Variants in PCDH7 observed in about 807,000 individuals in gnomAD.
PCDH7 encodes protocadherin-7.
PCDH7 carries 17 observed loss-of-function variants against 58.9 expected under a neutral mutation model. The ratio of observed to expected loss-of-function variants is 0.29; its 90% CI spans 0.20 to 0.43. The LOEUF is 0.43. PCDH7 is among the 20% of genes least tolerant of loss of function. PCDH7 has a pLI of 1.00. For missense variants in PCDH7, 1,274 were observed against 1,441.0 expected (o/e 0.88, Z 1.88); for synonymous variants, 664 against 616.4 (o/e 1.08, Z -1.14).
intron 3 of PCDH7, among the ~76,000 whole-genome samples, chr4:31,091,725 G>A (rs145991511): frequency 2.4e-4 from 37 of 151,968 alleles, no homozygotes; most frequent in Admixed American, 1.9e-3. Flanking sequence ...CTGAACCAAA[G>A]CATAATATGT....
At chr4:31,051,365 T>A (rs971031885) in intron 3 of PCDH7, among the ~76,000 whole-genome samples, 1 of 152,092 alleles carries the variant, frequency 6.6e-6, no homozygotes, top group African/African-American at 2.4e-5. Flanking sequence ...TTAACCAGTG[T>A]TTGATGAACT....
intron 1 of PCDH7, among the ~76,000 whole-genome samples, chr4:30,848,345 G>T (rs1732258604): frequency 2.0e-5 from 3 of 152,020 alleles, no homozygotes; most frequent in African/African-American, 7.2e-5. Context: ...GAGGTAATAT[G>T]TCATCAGGTG....
At chr4:30,904,768 T>C (rs1410673094) in intron 1 of PCDH7, among the ~76,000 whole-genome samples, 1 of 152,144 alleles carries the variant, frequency 6.6e-6, no homozygotes, top group Non-Finnish European at 1.5e-5. Flanking sequence ...TTAAAACAAA[T>C]GAGTGATGGG....
chr4:31,107,588 A>G (rs1417698845), intron 3 of PCDH7, among the ~76,000 whole-genome samples: 3 of 152,208 alleles, frequency 2.0e-5, no homozygotes, highest in Non-Finnish European at 4.4e-5. Context: ...CCTCTGAGTC[A>G]GGTACCACTG....
chr4:30,878,966 A>G (rs1680516864), intron 1 of PCDH7, among the ~76,000 whole-genome samples: 1 of 152,162 alleles, frequency 6.6e-6, no homozygotes, highest in Admixed American at 6.6e-5. Context: ...GCTACCAGTC[A>G]CCTAACTAAT....
intron 1 of PCDH7, among the ~76,000 whole-genome samples, chr4:30,825,412 C>T (rs1728970888): frequency 6.6e-6 from 1 of 152,052 alleles, no homozygotes; most frequent in African/African-American, 2.4e-5. Flanking sequence ...TTTTTCTCCT[C>T]CCTTAGTGTA....
chr4:30,962,023 C>G (rs561045427), intron 3 of PCDH7, among the ~76,000 whole-genome samples: 25 of 152,226 alleles, frequency 1.6e-4, no homozygotes, highest in African/African-American at 5.8e-4. Flanking sequence ...TCTCCCTTTC[C>G]TTAGTCAACA....
At chr4:30,800,935 A>G (rs780500988) in intron 1 of PCDH7, among the ~76,000 whole-genome samples, 8 of 152,196 alleles carry the variant, frequency 5.3e-5, no homozygotes, top group Non-Finnish European at 8.8e-5. Context: ...TACAAGAGAT[A>G]ACAAAATACC....
At chr4:30,748,215 C>G (rs907551142) in intron 1 of PCDH7, among the ~76,000 whole-genome samples, 2 of 152,158 alleles carry the variant, frequency 1.3e-5, no homozygotes, top group Non-Finnish European at 2.9e-5. Context: ...TGGATGTGAT[C>G]TAACTGACCT....
chr4:30,795,279 C>A (rs1274678081), intron 1 of PCDH7, among the ~76,000 whole-genome samples: 1 of 152,184 alleles, frequency 6.6e-6, no homozygotes, highest in South Asian at 2.1e-4. Context: ...CCTTACCCAG[C>A]TCTCTTATGT....
intron 1 of PCDH7, among the ~76,000 whole-genome samples, chr4:30,830,611 C>A (rs1030990121): frequency 1.3e-5 from 2 of 151,978 alleles, no homozygotes; most frequent in African/African-American, 4.8e-5. Context: ...GACTCTCTTT[C>A]CTGCTCTGCA....
intron 1 of PCDH7, among the ~76,000 whole-genome samples, chr4:30,729,154 A>G (rs570281117): frequency 2.0e-5 from 3 of 152,070 alleles, no homozygotes; most frequent in African/African-American, 4.8e-5. Flanking sequence ...TGTCAGGGAT[A>G]TAATGTGGAC....
chr4:30,850,830 T>C (rs1578042488), intron 1 of PCDH7, among the ~76,000 whole-genome samples: 3 of 152,206 alleles, frequency 2.0e-5, no homozygotes, highest in South Asian at 2.1e-4. Context: ...GTCGGCTCCA[T>C]GAGGACTTCT....
intron 3 of PCDH7, among the ~76,000 whole-genome samples, chr4:31,133,025 T>C (rs566644190): frequency 6.6e-6 from 1 of 152,364 alleles, no homozygotes; most frequent in Non-Finnish European, 1.5e-5. Context: ...TCTTTTCTTC[T>C]AAATATGAGT....
At chr4:30,895,960 C>A (rs999052503) in intron 1 of PCDH7, among the ~76,000 whole-genome samples, 2 of 152,184 alleles carry the variant, frequency 1.3e-5, no homozygotes, top group African/African-American at 4.8e-5. Flanking sequence ...TCATCTAATG[C>A]ACCATACGTG....
chr4:30,913,058 T>G (rs1741992228), intron 1 of PCDH7, among the ~76,000 whole-genome samples: 1 of 151,092 alleles, frequency 6.6e-6, no homozygotes, highest in South Asian at 2.1e-4. Context: ...TCTCTATTGC[T>G]TTTCTTGGAA....
At chr4:30,959,100 C>T (rs1748137525) in intron 3 of PCDH7, among the ~76,000 whole-genome samples, 1 of 152,048 alleles carries the variant, frequency 6.6e-6, no homozygotes, top group Middle Eastern at 3.2e-3. Flanking sequence ...AAAGATGTTA[C>T]AATTCAAGCG....
At chr4:30,855,905 C>T (rs1044060391) in intron 1 of PCDH7, among the ~76,000 whole-genome samples, 1 of 152,120 alleles carries the variant, frequency 6.6e-6, no homozygotes, top group African/African-American at 2.4e-5. Flanking sequence ...CCATTGCCAT[C>T]AGTAAAATGT....
intron 3 of PCDH7, among the ~76,000 whole-genome samples, chr4:31,066,160 A>T (rs948699871): frequency 6.6e-6 from 1 of 151,888 alleles, no homozygotes; most frequent in Non-Finnish European, 1.5e-5. Flanking sequence ...ACTCTGTGGC[A>T]TTGGTAATGC....
Sources: gnomAD v4.1 joint callset for allele counts (sites outside exome capture counted in the v4.1 genomes callset) on GRCh38, gnomAD v4.1.1 for gene constraint, MANE v1.5 for transcripts, NCBI Gene and HGNC (gene_info 2026-07-23, HGNC 2026-07-21) for gene names.